Variants in FGGY observed in about 807,000 individuals in gnomAD.
FGGY encodes FGGY carbohydrate kinase domain-containing protein.
In FGGY, 72 loss-of-function variants were observed where a neutral mutation model predicts 71.3. That is an observed-to-expected ratio of 1.01 (90% CI 0.84 to 1.23). The LOEUF is 1.23. Among genes scored for constraint, FGGY ranks in the 50% most tolerant of loss-of-function variants. The pLI, the probability that FGGY is intolerant of heterozygous loss-of-function variation, is 0.00. For synonymous variants in FGGY, 251 were observed against 250.3 expected, an observed-to-expected ratio of 1.00 and a Z score of -0.02; for missense variants, 668 against 682.3, an observed-to-expected ratio of 0.98 and a Z score of 0.23.
intron 5 of FGGY, among the ~76,000 whole-genome samples, chr1:59,419,212 T>C (rs2065006325): frequency 6.6e-6 from 1 of 152,150 alleles, no homozygotes; most frequent in Non-Finnish European, 1.5e-5. Context: ...TATTTTTAAG[T>C]AGGACATTAT....
intron 14 of FGGY, among the ~76,000 whole-genome samples, chr1:59,708,100 A>T (rs1404954562): frequency 6.6e-6 from 1 of 152,158 alleles, no homozygotes; most frequent in African/African-American, 2.4e-5. Context: ...TTAGTCTAAA[A>T]CATGTCTGAC....
chr1:59,587,221 A>C (rs2096313694), intron 8 of FGGY, among the ~76,000 whole-genome samples: 1 of 152,184 alleles, frequency 6.6e-6, no homozygotes, highest in Non-Finnish European at 1.5e-5. Flanking sequence ...TCAAACTGCA[A>C]GGCGGCAGCA....
chr1:59,707,747 G>T (rs1195095604), intron 14 of FGGY, among the ~76,000 whole-genome samples: 1 of 152,132 alleles, frequency 6.6e-6, no homozygotes, highest in East Asian at 1.9e-4. Flanking sequence ...CCTTGGATGT[G>T]AATAGAGATA....
At chr1:59,433,071 G>A (rs1318628678) in intron 5 of FGGY, among the ~76,000 whole-genome samples, 1 of 152,186 alleles carries the variant, frequency 6.6e-6, no homozygotes, top group Admixed American at 6.5e-5. Flanking sequence ...TCCAAGGCTG[G>A]GCGTATCCAT....
chr1:59,756,225 A>T (rs1314386411), intron 14 of FGGY, among the ~76,000 whole-genome samples: 2 of 152,132 alleles, frequency 1.3e-5, no homozygotes. Flanking sequence ...ATTAAAAAAA[A>T]TCTCCTCCCT....
At chr1:59,614,695 G>A (rs1285891119) in intron 9 of FGGY, among the ~76,000 whole-genome samples, 1 of 152,176 alleles carries the variant, frequency 6.6e-6, no homozygotes, top group Non-Finnish European at 1.5e-5. Context: ...ATTAGGAAAA[G>A]AGGAAGTCAA....
chr1:59,331,445 C>G (rs2036112), intron 2 of FGGY, among the ~76,000 whole-genome samples: 1 of 151,884 alleles, frequency 6.6e-6, no homozygotes, highest in Non-Finnish European at 1.5e-5. Flanking sequence ...CTTGCTGTTC[C>G]CCCTCCCAGG....
chr1:59,363,456 A>T (rs2153232957), intron 4 of FGGY, among the ~76,000 whole-genome samples: 1 of 152,348 alleles, frequency 6.6e-6, no homozygotes, highest in South Asian at 2.1e-4. Flanking sequence ...ACCCTATGGC[A>T]TAGGCACTAT....
chr1:59,631,274 C>T (rs2096906130), intron 10 of FGGY, among the ~76,000 whole-genome samples: 2 of 152,162 alleles, frequency 1.3e-5, no homozygotes, highest in East Asian at 1.9e-4. Context: ...TGGCCCTCTT[C>T]TCTCTTTGCC....
chr1:59,574,400 G>A (rs1430777358), intron 8 of FGGY, among the ~76,000 whole-genome samples: 1 of 152,058 alleles, frequency 6.6e-6, no homozygotes, highest in Non-Finnish European at 1.5e-5. Flanking sequence ...ATCCAAGATT[G>A]TCTCCTCATG....
At chr1:59,370,151 A>G (rs2057342942) in intron 4 of FGGY, among the ~76,000 whole-genome samples, 2 of 151,808 alleles carry the variant, frequency 1.3e-5, no homozygotes, top group South Asian at 4.1e-4. Context: ...AAGGCAAAGA[A>G]GTTAAAAACT....
chr1:59,362,463 C>A (rs1043536612), intron 4 of FGGY, among the ~76,000 whole-genome samples: 2 of 152,186 alleles, frequency 1.3e-5, no homozygotes, highest in Non-Finnish European at 2.9e-5. Context: ...ACTCAAGTAT[C>A]TAATACAAGT....
chr1:59,682,989 T>G (rs1158631076), intron 14 of FGGY, among the ~76,000 whole-genome samples: 1 of 152,214 alleles, frequency 6.6e-6, no homozygotes, highest in African/African-American at 2.4e-5. Context: ...TGGGGCCAAC[T>G]CCTTTCACCA....
chr1:59,552,855 T>C (rs2153703946), intron 7 of FGGY, among the ~76,000 whole-genome samples: 1 of 152,326 alleles, frequency 6.6e-6, no homozygotes, highest in East Asian at 1.9e-4. Flanking sequence ...AGCTAGCTAC[T>C]GTGGTAGGTC....
chr1:59,567,748 A>G (rs2095898649), intron 8 of FGGY, among the ~76,000 whole-genome samples: 1 of 151,548 alleles, frequency 6.6e-6, no homozygotes, highest in Non-Finnish European at 1.5e-5. Flanking sequence ...CAGAACACCA[A>G]ATTGCTTGGA....
At chr1:59,595,782 T>A (rs2096516479) in intron 8 of FGGY, among the ~76,000 whole-genome samples, 1 of 152,206 alleles carries the variant, frequency 6.6e-6, no homozygotes, top group African/African-American at 2.4e-5. Context: ...GTCATATATT[T>A]GACAGACAGT....
chr1:59,337,020 CAT>C (rs923822990), intron 2 of FGGY, among the ~76,000 whole-genome samples: 3 of 142,294 alleles, frequency 2.1e-5, no homozygotes, highest in Admixed American at 1.4e-4. Context: ...TGTATATATT[CAT>C]ATATATATAT....
intron 1 of FGGY, among the ~76,000 whole-genome samples, chr1:59,313,320 A>G (rs975324514): frequency 1.4e-4 from 22 of 152,176 alleles, no homozygotes; most frequent in African/African-American, 5.3e-4. Flanking sequence ...TCAGACCATA[A>G]CATTAGACTG....
At chr1:59,534,449 G>A (rs1399558121) in intron 7 of FGGY, among the ~76,000 whole-genome samples, 1 of 152,072 alleles carries the variant, frequency 6.6e-6, no homozygotes, top group Non-Finnish European at 1.5e-5. Flanking sequence ...TAGCAAGGCA[G>A]GCCAACATTC....
Sources: gnomAD v4.1 joint callset for allele counts (sites outside exome capture counted in the v4.1 genomes callset) on GRCh38, gnomAD v4.1.1 for gene constraint, MANE v1.5 for transcripts, NCBI Gene and HGNC (gene_info 2026-07-23, HGNC 2026-07-21) for gene names.